SBF1: variants seen among roughly 807,000 people sequenced by gnomAD.
SBF1 encodes SET binding factor 1.
A neutral mutation model predicts 215.8 loss-of-function variants in SBF1; 65 were observed. The observed-to-expected ratio is 0.30, with a 90% CI of 0.25 to 0.37. The LOEUF is 0.37. Among genes scored for constraint, SBF1 ranks in the 10% least tolerant of loss-of-function variants. The pLI is 1.00. For missense variants in SBF1, 2,634 were observed against 2,667.8 expected, an observed-to-expected ratio of 0.99 and a Z score of 0.28; for synonymous variants, 1,410 against 1,122.8, an observed-to-expected ratio of 1.26 and a Z score of -5.11.
intron 10 of SBF1, 114 bp from the exon 11 acceptor site, chr22:50,465,442 T>C (rs1399436124): frequency 1.0e-5 from 9 of 888,774 alleles, no homozygotes; most frequent in Non-Finnish European, 1.2e-5. Context: ...CCCATCCTTC[T>C]GCCCCTCCCA....
At chr22:50,461,041 C>T (rs971285622) in intron 23 of SBF1, 118 bp downstream of exon 23, 6 of 1,324,740 alleles carry the variant, frequency 4.5e-6, no homozygotes, top group Admixed American at 2.6e-5. Context: ...GACATGCAAG[C>T]GTAACAACAG....
In SBF1 at chr22:50,465,793, G is replaced by C; in HGVS notation, c.1059C>G (p.Pro353=). ...LELADLAFPP[P]TTSTSSLKMQ... Reference sequence around the variant, plus strand: ...TCTTCAGGGAGGAGGTGGATGTCGTGGGCGGAGGGAAGGCGAGGTCAGCCA... The same window carrying C: ...TCTTCAGGGAGGAGGTGGATGTCGTCGGCGGAGGGAAGGCGAGGTCAGCCA... The change falls in exon 10 of 41, where the codon CCC becomes CCG. Residue 353 remains proline, a synonymous_variant. Transcript: ENST00000380817. The C allele has an allele frequency of 6.2e-7, 1 of 1,610,704 alleles. No homozygotes were observed. Among genetic ancestry groups the C allele is most frequent in the Non-Finnish European group, 8.5e-7 (1 of 1,179,064 alleles).
intron 1 of SBF1, among the ~76,000 whole-genome samples, chr22:50,471,579 G>C (rs2067997791): frequency 6.6e-6 from 1 of 152,110 alleles, no homozygotes; most frequent in East Asian, 1.9e-4. Flanking sequence ...AGGAAGGACA[G>C]CACCTTCCTG....
chr22:50,469,803 A>G (rs2067932081), intron 1 of SBF1, among the ~76,000 whole-genome samples: 1 of 151,822 alleles, frequency 6.6e-6, no homozygotes, highest in African/African-American at 2.4e-5. Context: ...CCTCCTGGGA[A>G]CAGATGAGCA....
In SBF1 at chr22:50,446,489, A is replaced by T; in HGVS notation, c.*653T>A. 1 of 223,968 alleles carries T rather than the reference A, an allele frequency of 4.5e-6. No homozygotes were observed. The highest frequency in any genetic ancestry group is 9.1e-6 in the Non-Finnish European group (1 of 109,428). 13.9% of individuals were successfully genotyped at this position (223,968 alleles called of 1,614,324 possible). ...AATGACCACCCACCCTTTCACCCCC[A>T]AGCCTCTGTGAGGTCAGCTTCTGCA... On this transcript the variant is annotated 3_prime_UTR_variant, in exon 41 of 41. Transcript: ENST00000380817.
chr22:50,466,946 C>CT (rs2067789663), intron 5 of SBF1: 1 of 562,554 alleles, frequency 1.8e-6, no homozygotes, highest in Non-Finnish European at 3.1e-6. Flanking sequence ...GGGATGGGGC[C>CT]TAGGTGGGCG....
In SBF1 at chr22:50,448,401, C is replaced by T. The variant is rs901723487; in HGVS notation, c.5195G>A (p.Arg1732His). The stretch of plus-strand genomic sequence containing the variant: ...CTGCAGGTACACACCCAGCGAGCGA[C>T]GGTGGTGGGGTGCGGTGGACACAAG... ...SLLVSTAPHH[R>H]RSLGVYLQEG... Residue 1732 changes from arginine (R) to histidine (H), a missense_variant, in exon 38 of 41, where the codon CGT becomes CAT. Arg to His is a conservative substitution (Grantham distance 29). Coordinates refer to ENST00000380817, the MANE Select transcript of SBF1 (RefSeq NM_002972.4). 6.2e-6 allele frequency: 10 copies of T among 1,613,882 alleles called. No homozygotes were observed. The highest frequency in any genetic ancestry group is 2.2e-5 in the East Asian group (1 of 44,878).
At position 50,454,906 on chromosome 22, in the gene SBF1, C is replaced by T. The variant is rs1451015102; in HGVS notation, c.4720G>A (p.Val1574Met). 6.2e-7 allele frequency: 1 copy of T among 1,614,074 alleles called. No individual in the cohort carries two copies. Among genetic ancestry groups the T allele is most frequent in the Non-Finnish European group, 8.5e-7 (1 of 1,180,000 alleles). ...TACTCCCACACAGACCTGCACGGCACCTGGCCCCTGCGTTCCCCCTTCTCC... is the reference window on the plus strand; with the variant it reads ...TACTCCCACACAGACCTGCACGGCATCTGGCCCCTGCGTTCCCCCTTCTCC... Reference protein sequence around the residue: ...YEEKGERRGQVPCRSVWEYVD... With the variant: ...YEEKGERRGQMPCRSVWEYVD... Residue 1574 changes from valine to methionine, a missense_variant, in exon 35 of 41, where the codon GTG becomes ATG. Transcript: ENST00000380817.
Position 50,464,008 on chromosome 22 carries a change from T to C in SBF1, c.1749+321A>G, listed in dbSNP as rs550194146. Among the ~76,000 whole-genome samples, 18 of 152,122 alleles carry C rather than the reference T, an allele frequency of 1.2e-4. No individual in the cohort carries two copies. The East Asian group carries it at 1.9e-3, about 16-fold the overall frequency. ...GGAGCAAGCTCTGTTTTCCATCAAG[T>C]ACAAAGAACAGGTCGTGTATGGGCC... is the stretch of plus-strand genomic sequence containing the variant. On this transcript the variant is annotated intron_variant, in intron 15 of 40. Transcript: ENST00000380817.
At chr22:50,449,189 A>G (rs139052322) in intron 36 of SBF1, among the ~76,000 whole-genome samples, 13 of 152,182 alleles carry the variant, frequency 8.5e-5, no homozygotes, top group African/African-American at 3.1e-4. Context: ...AAAAAAGACC[A>G]CACAATACTG....
chr22:50,464,764 C>A, intron 13 of SBF1, 26 bp from the exon 14 acceptor site: 1 of 1,609,280 alleles, frequency 6.2e-7, no homozygotes, highest in Non-Finnish European at 8.5e-7. Flanking sequence ...AGGTGTGGGG[C>A]AGGGGCCCAG....
In SBF1 at chr22:50,460,142, G is replaced by T. The variant is rs771502813; in HGVS notation, c.3301C>A (p.Pro1101Thr). 19 of 1,611,682 alleles carry T rather than the reference G, an allele frequency of 1.2e-5. No individual in the cohort carries two copies. In the Admixed American group the frequency reaches 3.2e-4, roughly 27 times the overall value. ...GCTGAGGACGGGGTCAGCGTGCTGG[G>T]CTCCAGCTCCTCCGACACTGCACAG... ...DEISVSEELE[P>T]STLTPSSALK... The change falls in exon 26 of 41, where the codon CCC becomes ACC. Residue 1101 changes from proline (P) to threonine (T), a missense_variant. Physicochemically the swap from Pro to Thr is conservative, Grantham distance 38. Coordinates refer to ENST00000380817, the MANE Select transcript of SBF1 (RefSeq NM_002972.4).
rs769092873 is a variant in SBF1, at chr22:50,455,466, C to G, written c.4368+15G>C. The G allele has an allele frequency of 1.2e-6, 2 of 1,612,152 alleles. No individual in the cohort carries two copies. The highest frequency in any genetic ancestry group is 1.1e-5 in the South Asian group (1 of 90,950). ...CCCGGGAGCCTGGCCCACCCCAGCC[C>G]CACGCGCCACACACCTGGGTGGTGA... On this transcript the variant is annotated intron_variant, in intron 32 of 40. Transcript: ENST00000380817.
chr22:50,457,148 C>G (rs1023603046), intron 28 of SBF1, 37 bp from the exon 29 acceptor site: 6 of 1,434,966 alleles, frequency 4.2e-6, no homozygotes, highest in Non-Finnish European at 5.5e-6. Flanking sequence ...AGGCCTAGCC[C>G]CAGGCCTGGG....
In SBF1 at chr22:50,462,918, C is replaced by G. The variant is rs567118787; in HGVS notation, c.1920G>C (p.Glu640Asp). ...CCLQDCTSLD[E>D]HGIAAALLPL... ...GCAGCAGAGCCGCCGCAATGCCATG[C>G]TCGTCCAGAGAAGTGCAGTCCTGCA... The change falls in exon 17 of 41, where the codon GAG (glutamate) becomes GAC (aspartate). Residue 640 changes from glutamate to aspartate, a missense_variant. By Grantham distance (45) the Glu-to-Asp change is conservative. Coordinates refer to ENST00000380817, the MANE Select transcript of SBF1 (RefSeq NM_002972.4). 3 of 1,613,204 alleles carry G rather than the reference C, an allele frequency of 1.9e-6. No homozygotes were observed. The highest frequency in any genetic ancestry group is 1.3e-5 in the African/African-American group (1 of 75,038).
chr22:50,447,003 G>C lies in SBF1; in HGVS notation c.*139C>G, dbSNP rs1375892235. 12 of 785,410 alleles carry C rather than the reference G, an allele frequency of 1.5e-5. No individual in the cohort carries two copies. Among genetic ancestry groups the C allele is most frequent in the Non-Finnish European group, 2.4e-5 (11 of 466,038 alleles). 48.7% of individuals were successfully genotyped at this position (785,410 alleles called of 1,614,324 possible). On this transcript the variant is annotated 3_prime_UTR_variant, in exon 41 of 41. Coordinates refer to ENST00000380817, the MANE Select transcript of SBF1 (RefSeq NM_002972.4). ...CCGGGCGGGGCGGGGCGGGGACGGG[G>C]GCTGTACACACAAGTGCTGGGGGCT...
intron 23 of SBF1, 37 bp from the exon 24 acceptor site, chr22:50,460,749 GC>G (rs796197103): frequency 4.4e-6 from 7 of 1,587,184 alleles, no homozygotes; most frequent in Admixed American, 1.7e-5. Flanking sequence ...GGTGTGGGTG[GC>G]CCCCCAGCCC....
At chr22:50,468,630 G>C (rs959386369) in intron 1 of SBF1, among the ~76,000 whole-genome samples, 169 bp from the exon 2 acceptor site, 1 of 151,880 alleles carries the variant, frequency 6.6e-6, no homozygotes, top group Non-Finnish European at 1.5e-5. Context: ...GACAGCTGCA[G>C]ACCCCAGGGC....
At position 50,454,831 on chromosome 22, in the gene SBF1, C is replaced by T; in HGVS notation, c.4795G>A (p.Ala1599Thr). The change falls in exon 35 of 41, where the codon GCG becomes ACG. Residue 1599 changes from alanine (A) to threonine (T), a missense_variant. Transcript: ENST00000380817. ...RTPVFHNYMYAPEDAEVLRPY... is the reference protein window; with the variant it reads ...RTPVFHNYMYTPEDAEVLRPY... ...CAGCTTACCTCTGCGTCCTCGGGCG[C>T]ATACATGTAATTGTGGAACACAGGC... 6.2e-7 allele frequency: 1 copy of T among 1,614,042 alleles called. No individual in the cohort carries two copies. The highest frequency in any genetic ancestry group is 1.3e-5 in the African/African-American group (1 of 75,046).
Sources: gnomAD v4.1 joint callset for allele counts (sites outside exome capture counted in the v4.1 genomes callset) on GRCh38, gnomAD v4.1.1 for gene constraint, MANE v1.5 for transcripts, NCBI Gene and HGNC (gene_info 2026-07-23, HGNC 2026-07-21) for gene names.